Variants in RHBDD1 observed in about 807,000 individuals in gnomAD.
The protein encoded by RHBDD1 is rhomboid-related protein 4.
RHBDD1 carries 38 observed loss-of-function variants against 36.3 expected under a neutral mutation model. The ratio of observed to expected loss-of-function variants is 1.05; its 90% CI spans 0.81 to 1.37. The LOEUF is 1.37. Among genes scored for constraint, RHBDD1 ranks in the 40% most tolerant of loss-of-function variants. The probability of loss-of-function intolerance (pLI) is 0.00; values close to 1 mark genes in which losing one functional copy is unlikely to be tolerated. For synonymous variants in RHBDD1, 151 were observed against 136.5 expected, an observed-to-expected ratio of 1.11 and a Z score of -0.74; for missense variants, 393 against 377.6, an observed-to-expected ratio of 1.04 and a Z score of -0.34.
intron 8 of RHBDD1, among the ~76,000 whole-genome samples, chr2:226,994,078 AG>A (rs1185837837): frequency 5.3e-5 from 8 of 152,082 alleles, no homozygotes; most frequent in Non-Finnish European, 1.0e-4. Flanking sequence ...TGCTTTTGAG[AG>A]CTGGACTGCG....
the RHBDD1 span, among the ~76,000 whole-genome samples, chr2:226,811,691 G>A: frequency 6.6e-6 from 1 of 152,164 alleles, no homozygotes; most frequent in South Asian, 2.1e-4. Flanking sequence ...AAATTTGAGG[G>A]GAATGATTTT....
chr2:226,846,668 C>T (rs908511205), intron 3 of RHBDD1, among the ~76,000 whole-genome samples: 4 of 149,850 alleles, frequency 2.7e-5, no homozygotes, highest in Non-Finnish European at 5.9e-5. Context: ...TGCTTGAACC[C>T]GGGAGTGATT....
intron 3 of RHBDD1, among the ~76,000 whole-genome samples, chr2:226,864,021 C>T (rs1944095117): frequency 6.6e-6 from 1 of 152,074 alleles, no homozygotes; most frequent in Admixed American, 6.5e-5. Context: ...GACTGTGTTT[C>T]AACCCAGGAT....
intron 5 of RHBDD1, among the ~76,000 whole-genome samples, chr2:226,871,063 C>T (rs1188173096): frequency 1.3e-5 from 2 of 152,038 alleles, no homozygotes; most frequent in Non-Finnish European, 2.9e-5. Flanking sequence ...TAATATTTGA[C>T]AAGAATAAAA....
intron 8 of RHBDD1, among the ~76,000 whole-genome samples, chr2:226,974,225 TTTTTATTTTA>T (rs145186235): frequency 2.0e-5 from 3 of 148,260 alleles, no homozygotes; most frequent in East Asian, 4.0e-4. Flanking sequence ...TGTTGCCCTT[TTTTTATTTTA>T]TTTTATTTTA....
chr2:226,978,183 A>C (rs1455180861), intron 8 of RHBDD1, among the ~76,000 whole-genome samples: 1 of 152,234 alleles, frequency 6.6e-6, no homozygotes, highest in Non-Finnish European at 1.5e-5. Context: ...GAACGCTGTT[A>C]CACTTGGACT....
intron 8 of RHBDD1, among the ~76,000 whole-genome samples, chr2:226,977,288 C>T (rs959159668): frequency 9.2e-5 from 14 of 152,222 alleles, no homozygotes; most frequent in Non-Finnish European, 1.3e-4. Context: ...TCATGACTGC[C>T]GCCTCCTTTT....
intron 5 of RHBDD1, among the ~76,000 whole-genome samples, chr2:226,904,397 G>A (rs1208752893): frequency 1.4e-5 from 2 of 143,382 alleles, no homozygotes; most frequent in African/African-American, 5.2e-5. Flanking sequence ...TTACACCACT[G>A]TGGCACATCC....
intron 8 of RHBDD1, among the ~76,000 whole-genome samples, chr2:226,989,241 T>C (rs903857756): frequency 1.3e-5 from 2 of 152,198 alleles, no homozygotes; most frequent in Non-Finnish European, 2.9e-5. Context: ...AAACCACTTA[T>C]AACAATGTGG....
chr2:226,949,756 C>T (rs1951290196), intron 8 of RHBDD1, among the ~76,000 whole-genome samples: 1 of 152,106 alleles, frequency 6.6e-6, no homozygotes, highest in South Asian at 2.1e-4. Context: ...ACAGGTTTGG[C>T]TTCTCCTGAG....
chr2:226,848,307 G>T (rs986873025), intron 3 of RHBDD1, among the ~76,000 whole-genome samples: 3 of 152,150 alleles, frequency 2.0e-5, no homozygotes, highest in Admixed American at 6.5e-5. Context: ...TATTTGAAAT[G>T]TTTTAAAAAT....
At chr2:226,867,073 C>A in intron 4 of RHBDD1, 113 bp from the exon 5 acceptor site, 2 of 1,102,560 alleles carry the variant, frequency 1.8e-6, no homozygotes, top group Non-Finnish European at 2.6e-6. Flanking sequence ...TTTTAAAGCA[C>A]AAAGTTGGAT....
At chr2:226,880,684 A>G (rs1007362109) in intron 5 of RHBDD1, among the ~76,000 whole-genome samples, 1 of 152,256 alleles carries the variant, frequency 6.6e-6, no homozygotes, top group African/African-American at 2.4e-5. Flanking sequence ...GGAAGAACTT[A>G]GAGCACAACT....
chr2:226,967,895 ATG>A (rs1437768063), intron 8 of RHBDD1, among the ~76,000 whole-genome samples: 4 of 152,122 alleles, frequency 2.6e-5, no homozygotes, highest in Admixed American at 6.6e-5. Context: ...GTCCTGTACA[ATG>A]AAGAGAAACT....
chr2:226,853,612 A>G (rs1212353515), intron 3 of RHBDD1, among the ~76,000 whole-genome samples: 2 of 152,178 alleles, frequency 1.3e-5, no homozygotes, highest in Non-Finnish European at 2.9e-5. Flanking sequence ...TATCTGTGTA[A>G]TAAAGTGGAA....
At chr2:226,940,356 C>G (rs539928291) in intron 8 of RHBDD1, among the ~76,000 whole-genome samples, 213 of 152,212 alleles carry the variant, frequency 1.4e-3, no homozygotes, top group Middle Eastern at 0.01. Flanking sequence ...TTGTACGCAT[C>G]AAACATGTCT....
chr2:226,913,599 C>G (rs180952261), intron 7 of RHBDD1, among the ~76,000 whole-genome samples: 1 of 152,226 alleles, frequency 6.6e-6, no homozygotes, highest in Admixed American at 6.5e-5. Context: ...TATCTCTTCT[C>G]TCTTGTTTTA....
the RHBDD1 span, among the ~76,000 whole-genome samples, chr2:226,824,835 A>G: frequency 0.014 from 2,080 of 152,260 alleles, 41 homozygotes; most frequent in African/African-American, 0.048. Context: ...GCCTTTTTGA[A>G]GCAAATTTTA....
At chr2:226,976,906 AC>A (rs1317738423) in intron 8 of RHBDD1, among the ~76,000 whole-genome samples, 1 of 151,222 alleles carries the variant, frequency 6.6e-6, no homozygotes, top group Non-Finnish European at 1.5e-5. Flanking sequence ...ATTTATTTTG[AC>A]CCCCTCCTCC....
Sources: allele counts gnomAD v4.1 joint callset (sites outside exome capture counted in the v4.1 genomes callset), GRCh38; gene constraint gnomAD v4.1.1; transcripts MANE v1.5; gene names NCBI Gene and HGNC (gene_info 2026-07-23, HGNC 2026-07-21).